COL4A2: variants seen among roughly 807,000 people sequenced by gnomAD.
COL4A2 encodes collagen type IV alpha 2 chain.
Under a neutral mutation model 200.2 loss-of-function variants are expected in COL4A2, and 99 were observed. That is an observed-to-expected ratio of 0.49 (90% CI 0.42 to 0.58). The LOEUF (loss-of-function observed/expected upper bound fraction) is 0.58. Ranked by LOEUF, COL4A2 falls within the 20% of genes least tolerant of loss-of-function variation. The pLI, the probability that COL4A2 is intolerant of heterozygous loss-of-function variation, is 0.00. For synonymous variants in COL4A2, 897 were observed against 900.6 expected (o/e 1.00, Z 0.07); for missense variants, 1,950 against 2,314.1 (o/e 0.84, Z 3.23).
intron 4 of COL4A2, among the ~76,000 whole-genome samples, chr13:110,366,867 C>G (rs1877778990): frequency 6.6e-6 from 1 of 152,214 alleles, no homozygotes; most frequent in Non-Finnish European, 1.5e-5. Context: ...ACCTGAGGCC[C>G]TGAGCTGCCT....
At chr13:110,437,940 G>A in intron 13 of COL4A2, 62 bp from the exon 14 acceptor site, 1 of 1,338,184 alleles carries the variant, frequency 7.5e-7, no homozygotes, top group Admixed American at 1.7e-5. Context: ...AACCCTGATT[G>A]ATTTTTACCC....
chr13:110,412,389 T>A (rs992116916), intron 4 of COL4A2, among the ~76,000 whole-genome samples: 1 of 152,106 alleles, frequency 6.6e-6, no homozygotes, highest in Non-Finnish European at 1.5e-5. Flanking sequence ...AATCTGTGCC[T>A]CCAGCCAAGG....
At chr13:110,402,530 T>G (rs1879409327) in intron 4 of COL4A2, among the ~76,000 whole-genome samples, 1 of 152,186 alleles carries the variant, frequency 6.6e-6, no homozygotes, top group Non-Finnish European at 1.5e-5. Context: ...CAGCCTTCAT[T>G]GCAGCTCTCC....
chr13:110,381,399 T>C (rs1878487317), intron 4 of COL4A2, among the ~76,000 whole-genome samples: 1 of 152,264 alleles, frequency 6.6e-6, no homozygotes, highest in Admixed American at 6.5e-5. Flanking sequence ...TAGCCAGATT[T>C]CTTTAGGAAA....
intron 34 of COL4A2, 40 bp downstream of exon 34, chr13:110,485,876 C>T: frequency 4.4e-6 from 7 of 1,604,642 alleles, no homozygotes; most frequent in Non-Finnish European, 5.1e-6. Flanking sequence ...CTGTGAGCTC[C>T]TCTCCCCTTT....
chr13:110,364,361 G>A (rs755933478), intron 4 of COL4A2, among the ~76,000 whole-genome samples: 32 of 152,154 alleles, frequency 2.1e-4, no homozygotes, highest in Non-Finnish European at 4.0e-4. Flanking sequence ...ATTTTCTGTG[G>A]GTGAGCTCCA....
At chr13:110,436,209 T>C (rs1880863594) in intron 12 of COL4A2, 60 bp from the exon 13 acceptor site, 2 of 1,610,720 alleles carry the variant, frequency 1.2e-6, no homozygotes, top group Admixed American at 1.7e-5. Flanking sequence ...TGTATTTGTA[T>C]TCGAGTTTTG....
At chr13:110,436,611 A>G (rs1321115535) in intron 13 of COL4A2, among the ~76,000 whole-genome samples, 2 of 151,780 alleles carry the variant, frequency 1.3e-5, no homozygotes, top group East Asian at 1.9e-4. Flanking sequence ...TGAAGCAACA[A>G]GAGAATTCAT....
In COL4A2 at chr13:110,475,050, G is replaced by A. The variant is rs557742842; in HGVS notation, c.2425+1900G>A. 5.4e-4 allele frequency among the ~76,000 whole-genome samples: 81 copies of A among 149,148 alleles called. 1 individual carries two copies. The South Asian group carries it at 0.017, about 31-fold the overall frequency. On this transcript the variant is annotated intron_variant, in intron 29 of 47. Transcript: ENST00000360467. ...TACATACCCACTCGTGCCTATGCACGCTCACACATGATCACACACTCACAT... is the reference window on the plus strand; with the variant it reads ...TACATACCCACTCGTGCCTATGCACACTCACACATGATCACACACTCACAT...
At chr13:110,438,192 C>T (rs1026941268) in intron 14 of COL4A2, among the ~76,000 whole-genome samples, 155 bp downstream of exon 14, 4 of 152,248 alleles carry the variant, frequency 2.6e-5, no homozygotes, top group African/African-American at 7.2e-5. Context: ...TGCATTTTTA[C>T]ACTGTATTTT....
At chr13:110,378,536 A>G (rs1878337447) in intron 4 of COL4A2, among the ~76,000 whole-genome samples, 1 of 152,218 alleles carries the variant, frequency 6.6e-6, no homozygotes, top group Admixed American at 6.5e-5. Context: ...CTGGAATTAC[A>G]GCCAAATCAG....
At position 110,498,589 on chromosome 13, in the gene COL4A2, A is replaced by G. The variant is rs1488355150; in HGVS notation, c.3761-3079A>G. Among the ~76,000 whole-genome samples the G allele has an allele frequency of 2.0e-5, 3 of 152,294 alleles. No homozygotes were observed. In the East Asian group the frequency reaches 5.8e-4, roughly 29 times the overall value. On this transcript the variant is annotated intron_variant, in intron 40 of 47. Coordinates refer to ENST00000360467, the MANE Select transcript of COL4A2 (RefSeq NM_001846.4). ...TACTTGACCACAAAAAAGATTTAAG[A>G]TTTCCATCCCCAAGGACAGAGATTT...
chr13:110,458,630 G>A (rs1881875089), intron 21 of COL4A2, 141 bp from the exon 22 acceptor site: 2 of 929,734 alleles, frequency 2.2e-6, no homozygotes, highest in African/African-American at 1.7e-5. Flanking sequence ...TAAGAAATGG[G>A]GGTCATAGTG....
At chr13:110,392,021 AG>A (rs547652891) in intron 4 of COL4A2, among the ~76,000 whole-genome samples, 146 of 152,276 alleles carry the variant, frequency 9.6e-4, no homozygotes, top group Middle Eastern at 3.4e-3. Context: ...GTTTGCTCCC[AG>A]GGTGGATTTG....
chr13:110,505,222 C>T (rs981787181), intron 45 of COL4A2, among the ~76,000 whole-genome samples: 21 of 152,000 alleles, frequency 1.4e-4, no homozygotes, highest in Middle Eastern at 3.4e-3. Context: ...TGGTGGCGGG[C>T]GCCAGTAGTC....
rs372114837 is a variant in COL4A2, at chr13:110,458,806, G to A, written c.1468G>A (p.Glu490Lys). ...AGECRCTEGD[E>K]AIKGLPGLPG... Reference sequence around the variant, plus strand: ...GGAATGCAGATGTACAGAAGGCGACGAAGCTATCAAAGGTCTTCCGGGACT... The same window carrying A: ...GGAATGCAGATGTACAGAAGGCGACAAAGCTATCAAAGGTCTTCCGGGACT... The change falls in exon 22 of 48, where the codon GAA (glutamate) becomes AAA (lysine). Residue 490 changes from glutamate (E) to lysine (K), a missense_variant. Physicochemically the swap from Glu to Lys is moderately conservative, Grantham distance 56. Around this residue, in one of 2 missense-constraint regions of COL4A2, gnomAD observed 1,385 missense variants for 1,720.5 expected, o/e 0.80. Transcript: ENST00000360467. 5.0e-6 allele frequency: 8 copies of A among 1,613,916 alleles called. No individual in the cohort carries two copies. The East Asian group carries it at 8.9e-5, about 18-fold the overall frequency.
chr13:110,368,372 C>A (rs573796045), intron 4 of COL4A2, among the ~76,000 whole-genome samples: 5 of 152,230 alleles, frequency 3.3e-5, no homozygotes, highest in Non-Finnish European at 7.3e-5. Flanking sequence ...AGTTCCTCTT[C>A]TTCCAAATAA....
intron 4 of COL4A2, among the ~76,000 whole-genome samples, chr13:110,397,059 A>T (rs757761632): frequency 2.2e-4 from 33 of 152,212 alleles, no homozygotes; most frequent in Non-Finnish European, 3.7e-4. Context: ...ATCCTTGGTC[A>T]TAACGTTGCT....
intron 3 of COL4A2, among the ~76,000 whole-genome samples, chr13:110,340,734 C>T (rs1192330894): frequency 6.6e-6 from 1 of 152,132 alleles, no homozygotes; most frequent in African/African-American, 2.4e-5. Context: ...TTTAGGGTCT[C>T]GAGCTCACTC....
Sources: gnomAD v4.1 joint callset for allele counts (sites outside exome capture counted in the v4.1 genomes callset) on GRCh38, gnomAD v4.1.1 for gene constraint, gnomAD v4.1.1 regional missense constraint, MANE v1.5 for transcripts, NCBI Gene and HGNC (gene_info 2026-07-23, HGNC 2026-07-21) for gene names.